DNAH3: variants seen among roughly 807,000 people sequenced by gnomAD.
DNAH3 encodes the protein dynein axonemal heavy chain 3.
DNAH3 carries 332 observed loss-of-function variants against 432.5 expected under a neutral mutation model. The ratio of observed to expected loss-of-function variants is 0.77; its 90% CI spans 0.70 to 0.84. The LOEUF (loss-of-function observed/expected upper bound fraction) is 0.84. DNAH3 is among the 40% of genes least tolerant of loss of function. The pLI is 0.00. For missense variants in DNAH3, 4,861 were observed against 5,114.0 expected, an observed-to-expected ratio of 0.95 and a Z score of 1.51; for synonymous variants, 1,956 against 1,900.2, an observed-to-expected ratio of 1.03 and a Z score of -0.76.
intron 44 of DNAH3, among the ~76,000 whole-genome samples, chr16:20,995,953 G>A (rs573155717): frequency 2.0e-5 from 3 of 152,338 alleles, no homozygotes; most frequent in Admixed American, 2.0e-4. Context: ...TTCCCGCTGC[G>A]TTCTCCTGCA....
chr16:20,938,382 C>T (rs1401696151), intron 59 of DNAH3, among the ~76,000 whole-genome samples: 1 of 146,620 alleles, frequency 6.8e-6, no homozygotes, highest in South Asian at 2.2e-4. Flanking sequence ...AAGAGTGAAA[C>T]TCTGTCTCAA....
intron 1 of DNAH3, among the ~76,000 whole-genome samples, chr16:21,147,307 C>T (rs1445398344): frequency 1.3e-5 from 2 of 151,790 alleles, no homozygotes; most frequent in Non-Finnish European, 2.9e-5. Flanking sequence ...GCAACTGCTG[C>T]TTCCCAGGTT....
chr16:21,137,187 C>T lies in DNAH3; in HGVS notation c.697-674G>A, dbSNP rs368317295. Among the ~76,000 whole-genome samples, 70 of 151,744 alleles carry T rather than the reference C, an allele frequency of 4.6e-4. 1 individual carries two copies. The South Asian group carries it at 0.014, about 31-fold the overall frequency. ...CCTGATCCAGAGCTAGAATTTACCC[C>T]CCGGAAGCTTTCACTCACTGGTCCT... On this transcript the variant is annotated intron_variant, in intron 5 of 61. Transcript: ENST00000261383.
intron 14 of DNAH3, among the ~76,000 whole-genome samples, chr16:21,108,798 G>A (rs1430111201): frequency 6.6e-6 from 1 of 151,330 alleles, no homozygotes; most frequent in Non-Finnish European, 1.5e-5. Flanking sequence ...TGCTGTCCTC[G>A]TCCCAAACCC....
intron 52 of DNAH3, among the ~76,000 whole-genome samples, chr16:20,965,895 T>C (rs1200211297): frequency 6.6e-6 from 1 of 151,602 alleles, no homozygotes; most frequent in African/African-American, 2.4e-5. Flanking sequence ...GTATTTTTAG[T>C]AGAGACAGGG....
intron 7 of DNAH3, chr16:21,130,107 A>C (rs940692805): frequency 6.6e-5 from 10 of 151,408 alleles, no homozygotes; most frequent in African/African-American, 2.4e-4. Context: ...AAAAAAAAAA[A>C]AACAAATGAA....
chr16:21,069,466 C>T, exon 23 of DNAH3: 1 of 1,614,180 alleles, frequency 6.2e-7, no homozygotes, highest in Non-Finnish European at 8.5e-7. Flanking sequence ...CAAATTTCCT[C>T]CCCTCTTCTG....
chr16:21,079,315 G>A (rs997979375), intron 20 of DNAH3, among the ~76,000 whole-genome samples: 4 of 152,116 alleles, frequency 2.6e-5, no homozygotes, highest in African/African-American at 9.7e-5. Flanking sequence ...TAGGACACTA[G>A]GTTTTTGTGA....
At chr16:20,941,464 TACA>T in exon 59 of DNAH3, 1 of 1,614,146 alleles carries the variant, frequency 6.2e-7, no homozygotes, top group Middle Eastern at 1.6e-4. Context: ...GACCACGGGG[TACA>T]ACTTCATGAC....
At chr16:20,965,470 C>G (rs770939386) in intron 52 of DNAH3, 45 bp from the exon 53 acceptor site, 2 of 1,449,446 alleles carry the variant, frequency 1.4e-6, no homozygotes, top group African/African-American at 2.8e-5. Flanking sequence ...GACATTCTGG[C>G]CAAGACTTAA....
chr16:21,098,562 T>C (rs1258619250), intron 17 of DNAH3, 54 bp downstream of exon 17: 1 of 1,532,026 alleles, frequency 6.5e-7, no homozygotes, highest in Non-Finnish European at 8.7e-7. Context: ...CAACCAAGGA[T>C]CAGAACCAAT....
intron 12 of DNAH3, among the ~76,000 whole-genome samples, chr16:21,114,669 T>C (rs1567814587): frequency 6.6e-6 from 1 of 152,018 alleles, no homozygotes; most frequent in Non-Finnish European, 1.5e-5. Flanking sequence ...ATCAGAGAAA[T>C]GCAAATCAAA....
At chr16:20,961,761 T>A (rs1040289746) in intron 53 of DNAH3, among the ~76,000 whole-genome samples, 1 of 132,628 alleles carries the variant, frequency 7.5e-6, no homozygotes, top group Non-Finnish European at 1.6e-5. Flanking sequence ...TTTCTGGTTT[T>A]TTTTTTTTTT....
At chr16:20,973,648 C>T (rs2152643490) in intron 51 of DNAH3, among the ~76,000 whole-genome samples, 1 of 152,322 alleles carries the variant, frequency 6.6e-6, no homozygotes, top group Non-Finnish European at 1.5e-5. Context: ...CACATCAGTG[C>T]TAATTGAAGA....
chr16:21,112,008 A>C (rs145480857), exon 13 of DNAH3: 18 of 1,613,392 alleles, frequency 1.1e-5, no homozygotes, highest in Non-Finnish European at 1.3e-5. Context: ...CAAAATCATC[A>C]ATGTCATGAT....
chr16:20,935,843 C>CAA lies in DNAH3; in HGVS notation c.11860-360_11860-359dup, dbSNP rs61499842. Among the ~76,000 whole-genome samples the CAA allele has an allele frequency of 8.9e-5, 5 of 56,044 alleles. No homozygotes were observed. In the East Asian group the frequency reaches 1.7e-3, roughly 20 times the overall value. 36.8% of individuals were successfully genotyped at this position (56,044 alleles called of 152,430 possible). ...GAGTGACAAGAGTGAAACTTCATCT[C>CAA]AAAAAAAAAAAAAAAAGCCCAGGTG... On this transcript the variant is annotated intron_variant, in intron 60 of 61. Coordinates refer to ENST00000261383, the Ensembl canonical transcript of DNAH3.
At chr16:21,081,550 G>T in intron 20 of DNAH3, 86 bp downstream of exon 20, 3 of 1,098,676 alleles carry the variant, frequency 2.7e-6, no homozygotes, top group Non-Finnish European at 1.3e-6. Context: ...AAAACAAACA[G>T]CCCGATATGG....
At position 21,057,049 on chromosome 16, in the gene DNAH3, CAGG is replaced by C. The variant is rs1472574742; in HGVS notation, c.3924+1034_3924+1036del. On this transcript the variant is annotated intron_variant, in intron 27 of 61. Transcript: ENST00000261383. Reference sequence around the variant, plus strand: ...ACAGCCAATCCTCTAAGAGGAGTAACAGGAGGTCTGGTGAGATATTCATGGAGA... The same window carrying C: ...ACAGCCAATCCTCTAAGAGGAGTAACAGGTCTGGTGAGATATTCATGGAGA... Among the ~76,000 whole-genome samples, 19 of 152,180 alleles carry C rather than the reference CAGG, an allele frequency of 1.2e-4. 1 individual carries two copies. Among genetic ancestry groups the C allele is most frequent in the South Asian group, 1.0e-3 (5 of 4,818 alleles).
At chr16:21,111,738 T>C (rs1225374907) in exon 14 of DNAH3, 54 of 1,613,956 alleles carry the variant, frequency 3.3e-5, no homozygotes, top group Non-Finnish European at 4.2e-5. Flanking sequence ...AGGCAGAACA[T>C]GGCTAAAGGC....
Sources: gnomAD v4.1 joint callset for allele counts (sites outside exome capture counted in the v4.1 genomes callset) on GRCh38, gnomAD v4.1.1 for gene constraint, MANE v1.5 for transcripts, NCBI Gene and HGNC (gene_info 2026-07-23, HGNC 2026-07-21) for gene names.